PDZRN4: variants seen among roughly 807,000 people sequenced by gnomAD.
PDZRN4 encodes PDZ domain containing ring finger 4.
A neutral mutation model predicts 99.0 loss-of-function variants in PDZRN4; 70 were observed. That is an observed-to-expected ratio of 0.71 (90% CI 0.58 to 0.86). The LOEUF (loss-of-function observed/expected upper bound fraction) is 0.86. PDZRN4 is among the 40% of genes least tolerant of loss of function. The pLI is 0.00. For missense variants in PDZRN4, 1,474 were observed against 1,331.2 expected (o/e 1.11, Z -1.67); for synonymous variants, 551 against 501.6 (o/e 1.10, Z -1.32).
At chr12:41,310,737 A>G (rs1332537651) in intron 3 of PDZRN4, among the ~76,000 whole-genome samples, 1 of 152,216 alleles carries the variant, frequency 6.6e-6, no homozygotes, top group Admixed American at 6.6e-5. Flanking sequence ...TATTTCTAAA[A>G]CACTACCATG....
chr12:41,573,701 C>T lies in PDZRN4; in HGVS notation c.2922C>T (p.Ser974=). The T allele has an allele frequency of 1.9e-6, 3 of 1,613,678 alleles. No homozygotes were observed. Among genetic ancestry groups the T allele is most frequent in the Non-Finnish European group, 2.5e-6 (3 of 1,179,898 alleles). The change falls in exon 10 of 10, where the codon AGC becomes AGT. Residue 974 remains serine (S), a synonymous_variant. Coordinates refer to ENST00000402685, the MANE Select transcript of PDZRN4 (RefSeq NM_001164595.2). ...MRSRLECLKE[S]PQSGSEGKKE... ...GCAGGTTAGAGTGTCTCAAGGAGAGCCCTCAGAGCGGCAGTGAGGGCAAGA... is the reference window on the plus strand; with the variant it reads ...GCAGGTTAGAGTGTCTCAAGGAGAGTCCTCAGAGCGGCAGTGAGGGCAAGA...
chr12:41,497,815 G>A (rs1331308269), intron 3 of PDZRN4, among the ~76,000 whole-genome samples: 2 of 152,040 alleles, frequency 1.3e-5, no homozygotes, highest in East Asian at 1.9e-4. Flanking sequence ...GAGAAAAAAA[G>A]ACATTCATAG....
chr12:41,191,763 TATTTATTTATTTATTTATTTA>T (rs1310872815), intron 2 of PDZRN4, among the ~76,000 whole-genome samples: 1 of 84,776 alleles, frequency 1.2e-5, no homozygotes, highest in Non-Finnish European at 2.4e-5. Context: ...TTTATTTATT[TATTTATTTATTTATTTATTTA>T]TTTTGTTTGT....
intron 3 of PDZRN4, among the ~76,000 whole-genome samples, chr12:41,321,750 G>A (rs1951679353): frequency 6.6e-6 from 1 of 152,108 alleles, no homozygotes; most frequent in African/African-American, 2.4e-5. Flanking sequence ...GACATAATAA[G>A]ACGATGATCG....
At chr12:41,228,600 A>G (rs1036595738) in intron 3 of PDZRN4, among the ~76,000 whole-genome samples, 2 of 152,142 alleles carry the variant, frequency 1.3e-5, no homozygotes, top group Non-Finnish European at 2.9e-5. Flanking sequence ...CTTCCTAAAT[A>G]AAAAGGCTAC....
intron 3 of PDZRN4, among the ~76,000 whole-genome samples, chr12:41,220,346 C>G (rs1950946561): frequency 6.6e-6 from 1 of 152,022 alleles, no homozygotes; most frequent in African/African-American, 2.4e-5. Flanking sequence ...AGAAGAATAC[C>G]AGTCATATTG....
intron 3 of PDZRN4, among the ~76,000 whole-genome samples, chr12:41,452,291 T>C (rs1239533921): frequency 6.7e-6 from 1 of 148,578 alleles, no homozygotes; most frequent in East Asian, 2.0e-4. Flanking sequence ...AAAAAAAAAT[T>C]AGCCAGTCGT....
intron 3 of PDZRN4, among the ~76,000 whole-genome samples, chr12:41,360,211 G>A (rs563987817): frequency 1.7e-4 from 26 of 152,098 alleles, no homozygotes; most frequent in African/African-American, 5.5e-4. Flanking sequence ...GAGCTATTAT[G>A]TTCATAGAGC....
In PDZRN4 at chr12:41,551,469, T is replaced by A. The variant is rs1486422513; in HGVS notation, c.1204-1187T>A. On this transcript the variant is annotated intron_variant, in intron 5 of 9. Transcript: ENST00000402685. ...ACACACACACACACCTCACCTCTAT[T>A]TCCAATCAAAGAGGAAAGACTACCT... is the stretch of plus-strand genomic sequence containing the variant. Among the ~76,000 whole-genome samples, 4 of 152,136 alleles carry A rather than the reference T, an allele frequency of 2.6e-5. No homozygotes were observed. In the East Asian group the frequency reaches 7.7e-4, roughly 29 times the overall value.
intron 3 of PDZRN4, among the ~76,000 whole-genome samples, chr12:41,300,906 T>C (rs1442475574): frequency 6.6e-6 from 1 of 152,040 alleles, no homozygotes; most frequent in Non-Finnish European, 1.5e-5. Context: ...ATCAAGGTTA[T>C]CAAAACAGGA....
intron 3 of PDZRN4, among the ~76,000 whole-genome samples, chr12:41,436,683 G>A (rs1952632369): frequency 6.6e-6 from 1 of 152,174 alleles, no homozygotes; most frequent in African/African-American, 2.4e-5. Flanking sequence ...GCTGTTTGTA[G>A]TATATCTTTA....
At chr12:41,289,283 A>C (rs1951441025) in intron 3 of PDZRN4, among the ~76,000 whole-genome samples, 1 of 152,214 alleles carries the variant, frequency 6.6e-6, no homozygotes, top group Non-Finnish European at 1.5e-5. Flanking sequence ...TAATAGTATG[A>C]CTTATAACTT....
At chr12:41,313,957 A>G (rs547856705) in intron 3 of PDZRN4, among the ~76,000 whole-genome samples, 1 of 152,234 alleles carries the variant, frequency 6.6e-6, no homozygotes, top group East Asian at 1.9e-4. Context: ...ATGGGCTTTC[A>G]ATGCCTTTTG....
At position 41,336,685 on chromosome 12, in the gene PDZRN4, A is replaced by G. The variant is rs1414949421; in HGVS notation, c.843+142497A>G. Among the ~76,000 whole-genome samples, 4 of 152,084 alleles carry G rather than the reference A, an allele frequency of 2.6e-5. No individual in the cohort carries two copies. In the East Asian group the frequency reaches 7.7e-4, roughly 29 times the overall value. ...ATTGTTACTCAAATCTGTCTCCCCA[A>G]GCATTCAGGGATCAAAGTTTTTAAA... On this transcript the variant is annotated intron_variant, in intron 3 of 9. Coordinates refer to ENST00000402685, the MANE Select transcript of PDZRN4 (RefSeq NM_001164595.2).
At chr12:41,196,754 G>A (rs1053178188) in intron 3 of PDZRN4, among the ~76,000 whole-genome samples, 1 of 151,862 alleles carries the variant, frequency 6.6e-6, no homozygotes. Flanking sequence ...TTAGCTAATT[G>A]GAAATTGAGA....
chr12:41,527,242 T>C (rs1220895907), intron 5 of PDZRN4, among the ~76,000 whole-genome samples: 4 of 152,062 alleles, frequency 2.6e-5, no homozygotes, highest in Non-Finnish European at 5.9e-5. Flanking sequence ...TTCCAGGAAA[T>C]GCAAATAGGT....
rs556442429 is a variant in PDZRN4 at position 41,280,144 on chromosome 12, CCT to C, written c.843+85957_843+85958del. The stretch of plus-strand genomic sequence containing the variant: ...AATCCCTCCTTTTGCCAAGGGAATC[CCT>C]GAGGGACCCTGCCATGAGGGACGGT... On this transcript the variant is annotated intron_variant, in intron 3 of 9. Transcript: ENST00000402685. Among the ~76,000 whole-genome samples, 31 of 152,224 alleles carry C rather than the reference CCT, an allele frequency of 2.0e-4. 1 individual carries two copies. The South Asian group carries it at 6.4e-3, about 32-fold the overall frequency.
chr12:41,372,355 G>A (rs1378990217), intron 3 of PDZRN4, among the ~76,000 whole-genome samples: 1 of 152,154 alleles, frequency 6.6e-6, no homozygotes, highest in Non-Finnish European at 1.5e-5. Flanking sequence ...GAAAATGATA[G>A]TCTGGAAAAG....
intron 5 of PDZRN4, among the ~76,000 whole-genome samples, chr12:41,542,569 G>A (rs1041640551): frequency 4.6e-5 from 7 of 152,050 alleles, no homozygotes; most frequent in African/African-American, 1.4e-4. Context: ...CAACACACAC[G>A]TTTCCATGAA....
Sources: gnomAD v4.1 joint callset for allele counts (sites outside exome capture counted in the v4.1 genomes callset) on GRCh38, gnomAD v4.1.1 for gene constraint, MANE v1.5 for transcripts, NCBI Gene and HGNC (gene_info 2026-07-23, HGNC 2026-07-21) for gene names.